Variants in RELN observed in about 807,000 individuals in gnomAD.
The protein encoded by RELN is reelin.
In RELN, 108 loss-of-function variants were observed where a neutral mutation model predicts 427.6. The observed-to-expected ratio is 0.25, with a 90% confidence interval of 0.22 to 0.30. The LOEUF (loss-of-function observed/expected upper bound fraction) is 0.30, where lower values mean the gene tolerates loss of function less well. Among genes scored for constraint, RELN ranks in the 10% least tolerant of loss-of-function variants. The probability of loss-of-function intolerance (pLI) is 1.00; values close to 1 mark genes in which losing one functional copy is unlikely to be tolerated. For missense variants in RELN, 3,715 were observed against 4,302.8 expected (o/e 0.86, Z 3.82); for synonymous variants, 1,524 against 1,513.4 (o/e 1.01, Z -0.16).
intron 50 of RELN, 88 bp downstream of exon 50, chr7:103,515,097 G>T: frequency 2.0e-6 from 3 of 1,512,388 alleles, no homozygotes; most frequent in Non-Finnish European, 2.7e-6. Context: ...CATCTGAAAA[G>T]GTTCCATATT....
rs926839741 is a variant in RELN, at chr7:103,794,102, A to AT, written c.474-17476dup. 6.6e-5 allele frequency among the ~76,000 whole-genome samples: 10 copies of AT among 152,034 alleles called. No individual in the cohort carries two copies. In the East Asian group the frequency reaches 9.6e-4, roughly 15 times the overall value. On this transcript the variant is annotated intron_variant, in intron 3 of 64. Transcript: ENST00000428762. ...GTAATATTTTTTAATTTTGTAGGTA[A>AT]TTTTTTTTAATTTTAAGGGTATTTA...
At chr7:103,487,248 G>A (rs7808699) in intron 60 of RELN, among the ~76,000 whole-genome samples, 65,422 of 151,670 alleles carry the variant, frequency 0.43, 15,687 homozygotes, top group African/African-American at 0.65. Flanking sequence ...CACACACTGG[G>A]GCCTGTTGGG....
chr7:103,700,874 T>C (rs1376714431), intron 9 of RELN, 36 bp downstream of exon 9: 2 of 1,299,238 alleles, frequency 1.5e-6, no homozygotes, highest in African/African-American at 2.9e-5. Flanking sequence ...TCCATCTATG[T>C]CAGAATTTAT....
Position 103,786,068 on chromosome 7 carries a change from G to A in RELN, c.474-9441C>T, listed in dbSNP as rs1402781835. ...TTTCCTGCAAAGAAATCCTGCCAAA[G>A]TACATACAAGTGTTGCTTTGAAGGA... On this transcript the variant is annotated intron_variant, in intron 3 of 64. Coordinates refer to ENST00000428762, the MANE Select transcript of RELN (RefSeq NM_005045.4). 2.0e-5 allele frequency among the ~76,000 whole-genome samples: 3 copies of A among 151,844 alleles called. No homozygotes were observed. In the East Asian group the frequency reaches 5.8e-4, roughly 29 times the overall value.
At chr7:103,814,685 G>A (rs992085220) in intron 3 of RELN, among the ~76,000 whole-genome samples, 1 of 152,068 alleles carries the variant, frequency 6.6e-6, no homozygotes, top group African/African-American at 2.4e-5. Flanking sequence ...AGAGGATCAT[G>A]GAGTGAAGGT....
intron 2 of RELN, among the ~76,000 whole-genome samples, chr7:103,908,592 A>G (rs1205983132): frequency 1.3e-5 from 2 of 152,186 alleles, no homozygotes; most frequent in African/African-American, 4.8e-5. Context: ...ATGCCCTTGA[A>G]TATCTGCTTT....
At chr7:103,624,334 G>A (rs566258839) in intron 20 of RELN, among the ~76,000 whole-genome samples, 95 of 152,126 alleles carry the variant, frequency 6.2e-4, no homozygotes, top group African/African-American at 2.3e-3. Flanking sequence ...GGCTGATCAC[G>A]CCACCTGGGG....
rs1830683251 is a variant in RELN at position 103,563,519 on chromosome 7, T to A, written c.5211-1566A>T. The stretch of plus-strand genomic sequence containing the variant: ...TGTTATCACAAGAGTCCAAAAGTTT[T>A]AAAAAAAGTTTATATAATGGAAAAG... On this transcript the variant is annotated intron_variant, in intron 34 of 64. Transcript: ENST00000428762. The surrounding 1 kb of genome is among the most constrained non-coding windows in gnomAD (Gnocchi z 4.1). Among the ~76,000 whole-genome samples, 1 of 152,224 alleles carries A rather than the reference T, an allele frequency of 6.6e-6. No homozygotes were observed. The highest frequency in any genetic ancestry group is 2.4e-5 in the African/African-American group (1 of 41,468).
At chr7:103,580,102 C>T (rs914996350) in intron 28 of RELN, among the ~76,000 whole-genome samples, 1 of 152,188 alleles carries the variant, frequency 6.6e-6, no homozygotes, top group Non-Finnish European at 1.5e-5. Context: ...TTGAGAAAAT[C>T]AGCTTAGACC....
chr7:103,700,041 A>T (rs1834058083), intron 9 of RELN, among the ~76,000 whole-genome samples: 1 of 152,070 alleles, frequency 6.6e-6, no homozygotes, highest in African/African-American at 2.4e-5. Flanking sequence ...ACCCTAAATA[A>T]TAGTTATTTT....
At chr7:103,594,610 A>G in intron 25 of RELN, 118 bp from the exon 26 acceptor site, 1 of 1,106,408 alleles carries the variant, frequency 9.0e-7, no homozygotes, top group Non-Finnish European at 1.3e-6. Context: ...TGATCTCAAT[A>G]TTTTCCAAAA....
At position 103,984,215 on chromosome 7, in the gene RELN, T is replaced by C. The variant is rs1283885965; in HGVS notation, c.226+4916A>G. Among the ~76,000 whole-genome samples, 3 of 151,790 alleles carry C rather than the reference T, an allele frequency of 2.0e-5. No homozygotes were observed. The East Asian group carries it at 5.8e-4, about 29-fold the overall frequency. On this transcript the variant is annotated intron_variant, in intron 1 of 64. Coordinates refer to ENST00000428762, the MANE Select transcript of RELN (RefSeq NM_005045.4). ...TTTTCTTTTGAATAAAACTAATCCA[T>C]AAAAATTTGAAAGTCAAAAATGCTG...
intron 32 of RELN, 70 bp from the exon 33 acceptor site, chr7:103,566,482 T>C (rs1175916182): frequency 1.9e-6 from 3 of 1,588,820 alleles, no homozygotes; most frequent in Non-Finnish European, 2.6e-6. Flanking sequence ...TTCATGACTG[T>C]GATTTTAAAT....
intron 2 of RELN, among the ~76,000 whole-genome samples, chr7:103,866,478 A>T (rs1794200319): frequency 6.6e-6 from 1 of 152,092 alleles, no homozygotes; most frequent in Non-Finnish European, 1.5e-5. Flanking sequence ...ATGGTTAATT[A>T]TATTTTCTGA....
intron 3 of RELN, among the ~76,000 whole-genome samples, chr7:103,796,948 C>CATCCTTAT (rs1792318099): frequency 6.6e-6 from 1 of 150,790 alleles, no homozygotes; most frequent in African/African-American, 2.4e-5. Context: ...ACTATGGAAC[C>CATCCTTAT]ATCCTTATAT....
At position 103,866,983 on chromosome 7, in the gene RELN, A is replaced by G. The variant is rs114193884; in HGVS notation, c.338-33311T>C. 5.1e-3 allele frequency among the ~76,000 whole-genome samples: 778 copies of G among 152,232 alleles called. 6 individuals are homozygous for G. The highest frequency in any genetic ancestry group is 0.018 in the African/African-American group (746 of 41,562). On this transcript the variant is annotated intron_variant, in intron 2 of 64. Coordinates refer to ENST00000428762, the MANE Select transcript of RELN (RefSeq NM_005045.4). ...CCTAACAGATCAATACGTTTCAAGG[A>G]TTAAACACCAGGAGATATGTAAAAT...
Position 103,989,077 on chromosome 7 carries a change from T to C in RELN, c.226+54A>G, listed in dbSNP as rs2116859615. 1.1e-5 allele frequency: 17 copies of C among 1,493,008 alleles called. No homozygotes were observed. The highest frequency in any genetic ancestry group is 1.5e-5 in the Non-Finnish European group (16 of 1,071,200). The allele number at this position is 1,493,008 out of a possible 1,614,324, so 92.5% of individuals were successfully genotyped here. On this transcript the variant is annotated intron_variant, in intron 1 of 64. Coordinates refer to ENST00000428762, the MANE Select transcript of RELN (RefSeq NM_005045.4). The surrounding 1 kb of genome is among the most constrained non-coding windows in gnomAD (Gnocchi z 4.9). ...GGAAGAAGGAAAGGGATGAGAAAGG[T>C]GCGCTGGCGGGCGCACCCGGCGGCG...
In RELN at chr7:103,545,295, G is replaced by C. The variant is rs2117140020; in HGVS notation, c.6352C>G (p.Pro2118Ala). 1.2e-6 allele frequency: 2 copies of C among 1,614,136 alleles called. No individual in the cohort carries two copies. Among genetic ancestry groups the C allele is most frequent in the Non-Finnish European group, 1.7e-6 (2 of 1,179,980 alleles). Residue 2118 changes from proline to alanine, a missense_variant, in exon 42 of 65, where the codon CCA becomes GCA. Physicochemically the swap from Pro to Ala is conservative, Grantham distance 27 (BLOSUM62 -1). Around this residue, in one of 4 missense-constraint regions of RELN, gnomAD observed 1,310 missense variants for 1,643.0 expected, o/e 0.80. Transcript: ENST00000428762. ...YQGFYPAGSQ[P>A]VTWAIDNVYI... ...ACATTATCAATGGCCCATGTCACTG[G>C]CTGAGAGCCGGCAGGGTAAAATCCC...
At chr7:103,791,200 T>G (rs549898048) in intron 3 of RELN, among the ~76,000 whole-genome samples, 1 of 152,334 alleles carries the variant, frequency 6.6e-6, no homozygotes, top group African/African-American at 2.4e-5. Flanking sequence ...ATCTACAGAT[T>G]CAGCATGATA....
Sources: allele counts gnomAD v4.1 joint callset (sites outside exome capture counted in the v4.1 genomes callset), GRCh38; gene constraint gnomAD v4.1.1; regional missense constraint gnomAD v4.1.1; non-coding constraint Gnocchi (gnomAD v3.1); transcripts MANE v1.5; gene names NCBI Gene and HGNC (gene_info 2026-07-23, HGNC 2026-07-21).